Variants in LDLRAD3 observed in about 807,000 individuals in gnomAD.
LDLRAD3 encodes the protein low-density lipoprotein receptor class A domain-containing protein 3.
Under a neutral mutation model 29.4 loss-of-function variants are expected in LDLRAD3, and 20 were observed. That is an observed-to-expected ratio of 0.68 (90% CI 0.48 to 0.99). LDLRAD3 has a LOEUF of 0.99. Ranked by LOEUF, LDLRAD3 falls within the 50% of genes least tolerant of loss-of-function variation. The probability of loss-of-function intolerance (pLI) is 0.00; values close to 1 mark genes in which losing one functional copy is unlikely to be tolerated. For synonymous variants in LDLRAD3, 157 were observed against 192.7 expected (o/e 0.81, Z 1.53); for missense variants, 420 against 454.3 (o/e 0.92, Z 0.69).
chr11:36,161,146 G>A (rs1298209244), intron 4 of LDLRAD3, among the ~76,000 whole-genome samples: 1 of 152,200 alleles, frequency 6.6e-6, no homozygotes, highest in African/African-American at 2.4e-5. Context: ...TCTGTGCACA[G>A]TGAGGGCTTC....
intron 4 of LDLRAD3, among the ~76,000 whole-genome samples, chr11:36,121,098 C>T (rs78544445): frequency 0.017 from 2,640 of 152,220 alleles, 83 homozygotes; most frequent in African/African-American, 0.058. Flanking sequence ...ATTCTGTCCC[C>T]GGTATCCAGG....
At chr11:36,167,598 A>C (rs1320140492) in intron 4 of LDLRAD3, among the ~76,000 whole-genome samples, 1 of 152,172 alleles carries the variant, frequency 6.6e-6, no homozygotes, top group Non-Finnish European at 1.5e-5. Context: ...TACCAGATGC[A>C]TCTACAAGCC....
intron 4 of LDLRAD3, among the ~76,000 whole-genome samples, chr11:36,178,292 C>T (rs12575549): frequency 0.049 from 7,419 of 152,272 alleles, 417 homozygotes; most frequent in East Asian, 0.33. Context: ...TCTTCAACCT[C>T]CTCTCCAGCC....
chr11:36,009,600 A>G (rs971118442), intron 1 of LDLRAD3, among the ~76,000 whole-genome samples: 13 of 152,310 alleles, frequency 8.5e-5, no homozygotes, highest in Admixed American at 7.8e-4. Flanking sequence ...TCCCACCTCC[A>G]CTATAATCAC....
At position 36,116,220 on chromosome 11, in the gene LDLRAD3, C is replaced by T. The variant is rs572494000; in HGVS notation, c.454+17759C>T. 5.6e-4 allele frequency among the ~76,000 whole-genome samples: 86 copies of T among 152,334 alleles called. 1 individual carries two copies. The highest frequency in any genetic ancestry group is 1.7e-3 in the African/African-American group (71 of 41,574). On this transcript the variant is annotated intron_variant, in intron 4 of 5. Coordinates refer to ENST00000315571, the MANE Select transcript of LDLRAD3 (RefSeq NM_174902.4). ...TACCAGCCCAAGCCATTCCATCTTT[C>T]GAAAAACACCAAATTGAAGAACCAG...
chr11:36,182,511 A>AT (rs1209979490), intron 4 of LDLRAD3, among the ~76,000 whole-genome samples: 4 of 151,922 alleles, frequency 2.6e-5, no homozygotes, highest in Non-Finnish European at 5.9e-5. Flanking sequence ...TCAACAAACT[A>AT]TTTTTTTTCT....
intron 1 of LDLRAD3, among the ~76,000 whole-genome samples, chr11:36,035,059 C>G (rs917514393): frequency 2.6e-5 from 4 of 152,140 alleles, no homozygotes; most frequent in Non-Finnish European, 5.9e-5. Context: ...TAAGCCCTAG[C>G]CTTTATCTCT....
chr11:35,947,000 C>T lies in LDLRAD3; in HGVS notation c.46+2856C>T, dbSNP rs576262171. Among the ~76,000 whole-genome samples the T allele has an allele frequency of 1.0e-3, 154 of 152,010 alleles. No homozygotes were observed. In the South Asian group the frequency reaches 0.016, roughly 15 times the overall value. The stretch of plus-strand genomic sequence containing the variant: ...GTGTGAGATGTTTTTTCCTGACAGC[C>T]GACTTAGGCCATTTACTCTGGGATA... On this transcript the variant is annotated intron_variant, in intron 1 of 5. Transcript: ENST00000315571.
intron 4 of LDLRAD3, among the ~76,000 whole-genome samples, chr11:36,137,784 A>G (rs1854023792): frequency 6.6e-6 from 1 of 152,188 alleles, no homozygotes; most frequent in Non-Finnish European, 1.5e-5. Context: ...CACTTCTTGA[A>G]AAACGCCGTT....
intron 1 of LDLRAD3, among the ~76,000 whole-genome samples, chr11:35,974,843 T>A (rs926589293): frequency 1.3e-5 from 2 of 152,226 alleles, no homozygotes; most frequent in Admixed American, 6.5e-5. Context: ...CACAAGGGCA[T>A]GATGCCAAGA....
chr11:36,145,107 T>G (rs78831929), intron 4 of LDLRAD3, among the ~76,000 whole-genome samples: 7,681 of 36,018 alleles, frequency 0.21, 597 homozygotes, highest in African/African-American at 0.33. Context: ...GGAGGGAGGT[T>G]GGGGGGTCAG....
chr11:35,960,299 A>C (rs901431881), intron 1 of LDLRAD3, among the ~76,000 whole-genome samples: 3 of 152,174 alleles, frequency 2.0e-5, no homozygotes, highest in African/African-American at 7.2e-5. Flanking sequence ...TCATCTCTTA[A>C]AAGGATATTT....
intron 4 of LDLRAD3, among the ~76,000 whole-genome samples, chr11:36,148,489 C>G (rs539500483): frequency 1.3e-5 from 2 of 152,288 alleles, no homozygotes; most frequent in African/African-American, 4.8e-5. Context: ...CTCTCACTGC[C>G]TGCTTTTGGA....
At chr11:36,038,408 A>G (rs1420020919) in intron 2 of LDLRAD3, among the ~76,000 whole-genome samples, 1 of 152,142 alleles carries the variant, frequency 6.6e-6, no homozygotes, top group African/African-American at 2.4e-5. Flanking sequence ...TATGGTGTAT[A>G]TTTCAACTTC....
intron 4 of LDLRAD3, among the ~76,000 whole-genome samples, chr11:36,222,371 C>CA (rs1376264854): frequency 6.6e-6 from 1 of 152,188 alleles, no homozygotes; most frequent in Non-Finnish European, 1.5e-5. Context: ...AGATATGAGT[C>CA]ACCATGCCTG....
intron 4 of LDLRAD3, among the ~76,000 whole-genome samples, chr11:36,150,400 C>T (rs1281914816): frequency 2.6e-5 from 4 of 152,042 alleles, no homozygotes; most frequent in Admixed American, 6.6e-5. Context: ...TGGTACCACA[C>T]GCCTGTAGTC....
chr11:36,084,561 C>T (rs891775444), intron 3 of LDLRAD3, among the ~76,000 whole-genome samples: 1 of 152,200 alleles, frequency 6.6e-6, no homozygotes, highest in African/African-American at 2.4e-5. Context: ...CTATTTATCC[C>T]CTCGTTCCTA....
At chr11:36,144,853 G>C (rs1854153007) in intron 4 of LDLRAD3, among the ~76,000 whole-genome samples, 2 of 114,932 alleles carry the variant, frequency 1.7e-5, no homozygotes, top group Non-Finnish European at 1.9e-5. Context: ...GGAGGGAGGT[G>C]GGGGGGTCAG....
intron 2 of LDLRAD3, among the ~76,000 whole-genome samples, chr11:36,057,572 G>A (rs575033760): frequency 6.6e-6 from 1 of 152,182 alleles, no homozygotes; most frequent in Non-Finnish European, 1.5e-5. Context: ...GTTGAAATAC[G>A]CTATTACTTG....
Sources: allele counts gnomAD v4.1 joint callset (sites outside exome capture counted in the v4.1 genomes callset), GRCh38; gene constraint gnomAD v4.1.1; transcripts MANE v1.5; gene names NCBI Gene and HGNC (gene_info 2026-07-23, HGNC 2026-07-21).